KANK1: variants seen among roughly 807,000 people sequenced by gnomAD.
KANK1 encodes the protein KN motif and ankyrin repeat domain-containing protein 1.
Under a neutral mutation model 106.2 loss-of-function variants are expected in KANK1, and 109 were observed. The observed-to-expected ratio is 1.03, with a 90% confidence interval of 0.88 to 1.20. The LOEUF is 1.20. KANK1 is among the 50% of genes most tolerant of loss of function. KANK1 has a pLI of 0.00. For missense variants in KANK1, 2,399 were observed against 1,710.7 expected, an observed-to-expected ratio of 1.40 and a Z score of -7.10; for synonymous variants, 873 against 652.2, an observed-to-expected ratio of 1.34 and a Z score of -5.16.
intron 1 of KANK1, among the ~76,000 whole-genome samples, chr9:620,402 A>T (rs1297565556): frequency 6.6e-6 from 1 of 152,002 alleles, no homozygotes; most frequent in Non-Finnish European, 1.5e-5. Context: ...AGTGATAATT[A>T]TAATTTTTTT....
chr9:588,424 A>T (rs1824034928), intron 1 of KANK1, among the ~76,000 whole-genome samples: 1 of 152,170 alleles, frequency 6.6e-6, no homozygotes, highest in Admixed American at 6.5e-5. Context: ...ATTGCTGAAC[A>T]ATGATAGAAT....
chr9:628,015 C>T lies in KANK1; in HGVS notation c.-83-48875C>T, dbSNP rs537792439. On this transcript the variant is annotated intron_variant, in intron 1 of 11. Transcript: ENST00000382297. ...TTCAGAATATTTGTATCTAGAATAACAAGTATAATTTTATTGGCACAATGC... is the reference window on the plus strand; with the variant it reads ...TTCAGAATATTTGTATCTAGAATAATAAGTATAATTTTATTGGCACAATGC... Among the ~76,000 whole-genome samples the T allele has an allele frequency of 8.0e-4, 121 of 152,024 alleles. 1 individual carries two copies. Among genetic ancestry groups the T allele is most frequent in the African/African-American group, 2.9e-3 (119 of 41,480 alleles).
chr9:542,088 CAAA>C (rs57603321), intron 1 of KANK1, among the ~76,000 whole-genome samples: 1 of 136,990 alleles, frequency 7.3e-6, no homozygotes, highest in Non-Finnish European at 1.6e-5. Context: ...GACTCCGTCT[CAAA>C]AAAAAAAAAT....
intron 2 of KANK1, chr9:707,339 C>T: frequency 2.5e-5 from 15 of 612,022 alleles, no homozygotes; most frequent in Non-Finnish European, 3.1e-5. Flanking sequence ...GTGCGCACTG[C>T]TGGGCCGCTT....
In KANK1 at chr9:744,541, C is replaced by G. The variant is rs777332629; in HGVS notation, c.3948C>G (p.Ile1316Met). Residue 1316 changes from isoleucine (I) to methionine (M), a missense_variant, in exon 11 of 12, where the codon ATC becomes ATG. By Grantham distance (10) the Ile-to-Met change is conservative. Transcript: ENST00000382297. ...SIALEAGHKDIAVLLYAHVNF... is the reference protein window; with the variant it reads ...SIALEAGHKDMAVLLYAHVNF... ...CCCTGGAAGCAGGACACAAGGACAT[C>G]GCTGTTCTTCTGTATGCCCATGTCA... 1 of 1,614,126 alleles carries G rather than the reference C, an allele frequency of 6.2e-7. No homozygotes were observed. Among genetic ancestry groups the G allele is most frequent in the Non-Finnish European group, 8.5e-7 (1 of 1,179,996 alleles).
intron 3 of KANK1, among the ~76,000 whole-genome samples, chr9:729,749 A>G (rs1484055892): frequency 6.6e-6 from 1 of 151,912 alleles, no homozygotes; most frequent in Non-Finnish European, 1.5e-5. Context: ...GCATTGTGCC[A>G]GAGTGGAAGT....
upstream of KANK1, among the ~76,000 whole-genome samples, chr9:503,610 T>A (rs913151341): frequency 5.3e-5 from 8 of 152,116 alleles, no homozygotes; most frequent in Admixed American, 3.3e-4. Context: ...ATGTGTGCGG[T>A]GCTAGAGAGC....
At chr9:586,199 T>C (rs1257456145) in intron 1 of KANK1, among the ~76,000 whole-genome samples, 1 of 152,238 alleles carries the variant, frequency 6.6e-6, no homozygotes, top group Non-Finnish European at 1.5e-5. Flanking sequence ...GCAGAGTGGC[T>C]GGACCAGGAT....
intron 1 of KANK1, among the ~76,000 whole-genome samples, chr9:604,981 G>T (rs574465988): frequency 6.0e-4 from 91 of 151,940 alleles, no homozygotes; most frequent in African/African-American, 2.1e-3. Flanking sequence ...ATGTCTGACA[G>T]TTTGCAAATA....
chr9:696,838 C>T (rs1379308583), intron 2 of KANK1, among the ~76,000 whole-genome samples: 1 of 152,070 alleles, frequency 6.6e-6, no homozygotes, highest in East Asian at 1.9e-4. Flanking sequence ...GCCATCTGCC[C>T]CTGAAAACAG....
Position 581,443 on chromosome 9 carries a change from C to T in KANK1, c.-84+76689C>T, listed in dbSNP as rs1798145790. Among the ~76,000 whole-genome samples, 3 of 152,154 alleles carry T rather than the reference C, an allele frequency of 2.0e-5. No homozygotes were observed. In the South Asian group the frequency reaches 6.2e-4, roughly 32 times the overall value. Reference sequence around the variant, plus strand: ...TAAAAGTGTCCTTTATTCTGAATACCATTTTGATCCGTGATCCACTGATGG... The same window carrying T: ...TAAAAGTGTCCTTTATTCTGAATACTATTTTGATCCGTGATCCACTGATGG... On this transcript the variant is annotated intron_variant, in intron 1 of 11. Transcript: ENST00000382297.
chr9:578,012 C>T (rs745922218), intron 1 of KANK1, among the ~76,000 whole-genome samples: 1 of 152,104 alleles, frequency 6.6e-6, no homozygotes, highest in African/African-American at 2.4e-5. Flanking sequence ...AGGAGGCCTC[C>T]TTTCACCTTG....
At chr9:487,745 A>T (rs2058317280) in intron 3 of KANK1, 1 of 152,210 alleles carries the variant, frequency 6.6e-6, no homozygotes, top group African/African-American at 2.4e-5. Flanking sequence ...TGGAGTACTT[A>T]ATGGTGGCAC....
chr9:618,829 C>T (rs976584302), intron 1 of KANK1, among the ~76,000 whole-genome samples: 1 of 152,180 alleles, frequency 6.6e-6, no homozygotes, highest in African/African-American at 2.4e-5. Context: ...TCATCGCTGA[C>T]ATTTAATACC....
intron 2 of KANK1, 109 bp downstream of exon 2, chr9:677,118 G>T (rs548362793): frequency 3.9e-4 from 384 of 977,364 alleles, no homozygotes; most frequent in Non-Finnish European, 5.5e-4. Flanking sequence ...AGATAACTAG[G>T]ATTTCAAAGC....
intron 1 of KANK1, among the ~76,000 whole-genome samples, chr9:610,805 A>G (rs1830379668): frequency 6.6e-6 from 1 of 152,196 alleles, no homozygotes; most frequent in African/African-American, 2.4e-5. Flanking sequence ...ACTTGATTTC[A>G]TCTTCTAGAC....
chr9:693,099 A>G (rs1820374433), intron 2 of KANK1, among the ~76,000 whole-genome samples: 1 of 152,158 alleles, frequency 6.6e-6, no homozygotes, highest in Non-Finnish European at 1.5e-5. Flanking sequence ...AGGTTGCTCG[A>G]AGATGTTATG....
chr9:647,081 A>T (rs115933672), intron 1 of KANK1, among the ~76,000 whole-genome samples: 2,109 of 151,170 alleles, frequency 0.014, 212 homozygotes, highest in African/African-American at 0.049. Flanking sequence ...CATCCCCATG[A>T]CTTTGTTATC....
chr9:667,805 A>G lies in KANK1; in HGVS notation c.-83-9085A>G, dbSNP rs552065472. 1.1e-4 allele frequency among the ~76,000 whole-genome samples: 16 copies of G among 150,608 alleles called. No individual in the cohort carries two copies. The South Asian group carries it at 2.7e-3, about 26-fold the overall frequency. ...ATCCAGGCTGGAGTGCAGTGGTGCA[A>G]TCTGCAACCTCCACCTCCTGGGTTC... On this transcript the variant is annotated intron_variant, in intron 1 of 11. Coordinates refer to ENST00000382297, the MANE Select transcript of KANK1 (RefSeq NM_015158.5).
Sources: allele counts gnomAD v4.1 joint callset (sites outside exome capture counted in the v4.1 genomes callset), GRCh38; gene constraint gnomAD v4.1.1; transcripts MANE v1.5; gene names NCBI Gene and HGNC (gene_info 2026-07-23, HGNC 2026-07-21).